Variants in APOBR observed in about 807,000 individuals in gnomAD.
APOBR encodes apolipoprotein B receptor, also known as apoB-48R.
Under a neutral mutation model 88.5 loss-of-function variants are expected in APOBR, and 57 were observed. That is an observed-to-expected ratio of 0.64 (90% CI 0.52 to 0.80). The LOEUF (loss-of-function observed/expected upper bound fraction) is 0.80. Ranked by LOEUF, APOBR falls within the 30% of genes least tolerant of loss-of-function variation. APOBR has a pLI of 0.00. For synonymous variants in APOBR, 588 were observed against 572.7 expected, an observed-to-expected ratio of 1.03 and a Z score of -0.38; for missense variants, 1,443 against 1,401.6, an observed-to-expected ratio of 1.03 and a Z score of -0.47.
In APOBR at chr16:28,496,116, GGAGGGGAGGAGGCCGGGACAGC is replaced by G; in HGVS notation, c.1076_1097del (p.Gly359AlafsTer35). The G allele has an allele frequency of 1.3e-6, 2 of 1,525,398 alleles. No homozygotes were observed. The highest frequency in any genetic ancestry group is 1.8e-6 in the Non-Finnish European group (2 of 1,137,784). 94.5% of individuals were successfully genotyped at this position (1,525,398 alleles called of 1,614,324 possible). ...AGGGGAGGAGGCCGGGACAGCCTCA[GGAGGGGAGGAGGCCGGGACAGC>G]CTCAGGAGGGGACGAGGCCTGGACA... On this transcript the variant is annotated frameshift_variant, in exon 2 of 4. Coordinates refer to ENST00000564831, the MANE Select transcript of APOBR (RefSeq NM_018690.4). LOFTEE classifies it high-confidence loss of function.
In APOBR at chr16:28,496,010, A is replaced by G. The variant is rs377604960; in HGVS notation, c.969A>G (p.Ser323=). The G allele has an allele frequency of 3.0e-5, 47 of 1,556,458 alleles. No homozygotes were observed. The highest frequency in any genetic ancestry group is 8.7e-5 in the Admixed American group (5 of 57,524). ...GCGGGGAGGAGGCTGAAACAGCCTCAGGCGGGGAGGAGGCCGGGACAGCCT... is the reference window on the plus strand; with the variant it reads ...GCGGGGAGGAGGCTGAAACAGCCTCGGGCGGGGAGGAGGCCGGGACAGCCT... ...ASGGEEAETA[S]GGEEAGTASG... is the part of the protein sequence containing the mutation. Residue 323 remains serine (S), a synonymous_variant, in exon 2 of 4, where the codon TCA becomes TCG. Coordinates refer to ENST00000564831, the MANE Select transcript of APOBR (RefSeq NM_018690.4).
chr16:28,497,529 G>C lies in APOBR; in HGVS notation c.2488G>C (p.Glu830Gln). The C allele has an allele frequency of 6.2e-7, 1 of 1,610,704 alleles. No homozygotes were observed. The highest frequency in any genetic ancestry group is 1.3e-5 in the African/African-American group (1 of 74,892). ...TGRGSQVEAFESREGGPWGGR... is the reference protein window; with the variant it reads ...TGRGSQVEAFQSREGGPWGGR... ...CAGAGGCAGCCAAGTAGAGGCTTTTGAGTCCAGGGAGGGAGGACCTTGGGG... is the reference window on the plus strand; with the variant it reads ...CAGAGGCAGCCAAGTAGAGGCTTTTCAGTCCAGGGAGGGAGGACCTTGGGG... Residue 830 changes from glutamate (E) to glutamine (Q), a missense_variant, in exon 2 of 4, where the codon GAG becomes CAG. Physicochemically the swap from Glu to Gln is conservative, Grantham distance 29. Transcript: ENST00000564831.
chr16:28,495,569 G>T lies in APOBR; in HGVS notation c.528G>T (p.Trp176Cys). The part of the protein sequence containing the change: ...EVNREERLRS[W>C]EQEEEEEEVR... ...ACAGAGAAGAGAGGCTGAGAAGCTGGGAACAGGAGGAGGAGGAGGAAGAGG... is the reference window on the plus strand; with the variant it reads ...ACAGAGAAGAGAGGCTGAGAAGCTGTGAACAGGAGGAGGAGGAGGAAGAGG... The change falls in exon 2 of 4, where the codon TGG (tryptophan) becomes TGT (cysteine). Residue 176 changes from tryptophan (W) to cysteine (C), a missense_variant. Trp to Cys is a radical substitution (Grantham distance 215). Coordinates refer to ENST00000564831, the MANE Select transcript of APOBR (RefSeq NM_018690.4). 1.3e-6 allele frequency: 2 copies of T among 1,564,196 alleles called. No individual in the cohort carries two copies. The highest frequency in any genetic ancestry group is 4.8e-5 in the East Asian group (2 of 42,082).
rs1486964770 is a variant in APOBR at position 28,496,743 on chromosome 16, G to C, written c.1702G>C (p.Gly568Arg). The C allele has an allele frequency of 2.5e-6, 4 of 1,591,020 alleles. No individual in the cohort carries two copies. The highest frequency in any genetic ancestry group is 3.4e-6 in the Non-Finnish European group (4 of 1,169,280). The change falls in exon 2 of 4, where the codon GGG becomes CGG. Residue 568 changes from glycine (G) to arginine (R), a missense_variant. Physicochemically the swap from Gly to Arg is moderately radical, Grantham distance 125. Transcript: ENST00000564831. ...CAAAGGCCAAGGACCTGAGCTGATGGGGGGCGCCCAGACCCCAACTAAGCA... is the reference window on the plus strand; with the variant it reads ...CAAAGGCCAAGGACCTGAGCTGATGCGGGGCGCCCAGACCCCAACTAAGCA... ...VTKGQGPELMGGAQTPTKQPE... is the reference protein window; with the variant it reads ...VTKGQGPELMRGAQTPTKQPE...
chr16:28,495,986 C>A lies in APOBR; in HGVS notation c.945C>A (p.Gly315=), dbSNP rs971018613. The change falls in exon 2 of 4, where the codon GGC becomes GGA. Residue 315 remains glycine (G), a synonymous_variant. Transcript: ENST00000564831. ...GGGAGGAGGCTGAGACAGCCTCAGG[C>A]GGGGAGGAGGCTGAAACAGCCTCAG... is the stretch of plus-strand genomic sequence containing the variant. ...SGGEEAETAS[G]GEEAETASGG... 53 of 1,509,328 alleles carry A rather than the reference C, an allele frequency of 3.5e-5. No individual in the cohort carries two copies. The highest frequency in any genetic ancestry group is 4.5e-5 in the Non-Finnish European group (51 of 1,120,898). 93.5% of individuals were successfully genotyped at this position (1,509,328 alleles called of 1,614,324 possible). A position where few individuals can be genotyped will look rare whatever the true frequency, so the allele number is the denominator to read the frequency against.
chr16:28,498,538 A>C lies in APOBR; in HGVS notation c.*33A>C, dbSNP rs778522414. On this transcript the variant is annotated 3_prime_UTR_variant, in exon 4 of 4. Coordinates refer to ENST00000564831, the MANE Select transcript of APOBR (RefSeq NM_018690.4). The stretch of plus-strand genomic sequence containing the variant: ...CCGGTGCTCTGGGAGCCAGGCCCTG[A>C]GTGGGTGCCAGAAGGCTTGCTCCAA... 3.8e-6 allele frequency: 6 copies of C among 1,560,212 alleles called. No homozygotes were observed. The South Asian group carries it at 7.1e-5, about 18-fold the overall frequency.
At position 28,496,323 on chromosome 16, in the gene APOBR, C is replaced by A; in HGVS notation, c.1282C>A (p.Pro428Thr). The A allele has an allele frequency of 6.3e-7, 1 of 1,582,796 alleles. No individual in the cohort carries two copies. The highest frequency in any genetic ancestry group is 8.6e-7 in the Non-Finnish European group (1 of 1,164,918). ...TGAGGTGAGCCCTTTCCCCAAACAG[C>A]CCCAGGTCCTGGGCACTGAAAGAAC... ...EAEVSPFPKQ[P>T]QVLGTERTEE... Residue 428 changes from proline to threonine, a missense_variant, in exon 2 of 4, where the codon CCC (proline) becomes ACC (threonine). Pro to Thr is a conservative substitution (Grantham distance 38). Coordinates refer to ENST00000564831, the MANE Select transcript of APOBR (RefSeq NM_018690.4).
rs770543158 is a variant in APOBR at position 28,495,628 on chromosome 16, C to A, written c.587C>A (p.Ala196Glu). Residue 196 changes from alanine to glutamate, a missense_variant, in exon 2 of 4, where the codon GCG (alanine) becomes GAG (glutamate). Physicochemically the swap from Ala to Glu is moderately radical, Grantham distance 107. Transcript: ENST00000564831. ...RAREPGMARG[A>E]ESEWTWHGET... ...AGAGAGCCAGGGATGGCCAGAGGGG[C>A]GGAGTCAGAGTGGACCTGGCATGGG... 3.4e-5 allele frequency: 53 copies of A among 1,556,500 alleles called. No individual in the cohort carries two copies. Among genetic ancestry groups the A allele is most frequent in the Non-Finnish European group, 4.5e-5 (52 of 1,149,936 alleles).
chr16:28,498,943 A>C lies in APOBR; in HGVS notation c.*438A>C. 1 of 428,754 alleles carries C rather than the reference A, an allele frequency of 2.3e-6. No individual in the cohort carries two copies. Among genetic ancestry groups the C allele is most frequent in the Non-Finnish European group, 4.5e-6 (1 of 222,576 alleles). 26.6% of individuals were successfully genotyped at this position (428,754 alleles called of 1,614,324 possible). On this transcript the variant is annotated 3_prime_UTR_variant, in exon 4 of 4. Coordinates refer to ENST00000564831, the MANE Select transcript of APOBR (RefSeq NM_018690.4). The stretch of plus-strand genomic sequence containing the variant: ...TTAAAAACAAAATAAAACAATAAAG[A>C]CTGCAAGGAAGACTGAGGGAACAGC...
Position 28,497,402 on chromosome 16 carries a change from G to T in APOBR, c.2361G>T (p.Gly787=). 1 of 1,613,154 alleles carries T rather than the reference G, an allele frequency of 6.2e-7. No individual in the cohort carries two copies. Among genetic ancestry groups the T allele is most frequent in the Non-Finnish European group, 8.5e-7 (1 of 1,179,556 alleles). The change falls in exon 2 of 4, where the codon GGG becomes GGT. Residue 787 remains glycine, a synonymous_variant. Transcript: ENST00000564831. ...GAGEALEGVL[G]QGWDSKEKEE... Reference sequence around the variant, plus strand: ...GTGAAGCTTTGGAAGGGGTGCTTGGGCAAGGCTGGGACTCGAAAGAAAAGG... The same window carrying T: ...GTGAAGCTTTGGAAGGGGTGCTTGGTCAAGGCTGGGACTCGAAAGAAAAGG...
intron 1 of APOBR, 41 bp from the exon 2 acceptor site, chr16:28,495,058 T>C: frequency 6.9e-7 from 1 of 1,453,328 alleles, no homozygotes. Context: ...GGGCTGGGAC[T>C]CTCCTCAATG....
Position 28,497,802 on chromosome 16 carries a change from G to A in APOBR, c.2761G>A (p.Gly921Ser), listed in dbSNP as rs373994343. 3 of 1,605,904 alleles carry A rather than the reference G, an allele frequency of 1.9e-6. No homozygotes were observed. Among genetic ancestry groups the A allele is most frequent in the Non-Finnish European group, 1.7e-6 (2 of 1,176,480 alleles). ...GEAPRLLDAE[G>S]LMVTGGRRAE... ...GGCACCAAGGCTCCTTGATGCAGAG[G>A]GTCTCATGGTGACCGGGGGCCGGAG... The change falls in exon 2 of 4, where the codon GGT becomes AGT. Residue 921 changes from glycine to serine, a missense_variant. By Grantham distance (56) the Gly-to-Ser change is moderately conservative. Transcript: ENST00000564831.
At chr16:28,494,928 G>A (rs1409184101) in intron 1 of APOBR, 171 bp from the exon 2 acceptor site, 8 of 841,036 alleles carry the variant, frequency 9.5e-6, no homozygotes, top group Admixed American at 6.0e-5. Context: ...CCAACCATGC[G>A]TCCTCGTACC....
rs976851970 is a variant in APOBR at position 28,496,606 on chromosome 16, C to T, written c.1565C>T (p.Ala522Val). The change falls in exon 2 of 4, where the codon GCA becomes GTA. Residue 522 changes from alanine (A) to valine (V), a missense_variant. Coordinates refer to ENST00000564831, the MANE Select transcript of APOBR (RefSeq NM_018690.4). Reference sequence around the variant, plus strand: ...GCTGAAGGCACTGCCGACTTGGAGGCAACTCCAGAGGCCAGGCCTGAGGAG... The same window carrying T: ...GCTGAAGGCACTGCCGACTTGGAGGTAACTCCAGAGGCCAGGCCTGAGGAG... ...GEAEGTADLE[A>V]TPEARPEEEL... 4 of 1,573,156 alleles carry T rather than the reference C, an allele frequency of 2.5e-6. No individual in the cohort carries two copies. Among genetic ancestry groups the T allele is most frequent in the Non-Finnish European group, 3.5e-6 (4 of 1,158,314 alleles).
At position 28,495,161 on chromosome 16, in the gene APOBR, G is replaced by T; in HGVS notation, c.120G>T (p.Glu40Asp). 1 of 1,569,114 alleles carries T rather than the reference G, an allele frequency of 6.4e-7. No individual in the cohort carries two copies. Among genetic ancestry groups the T allele is most frequent in the Non-Finnish European group, 8.6e-7 (1 of 1,159,970 alleles). ...ATGCAGTCCCCACTGTAGAGCGGGA[G>T]GCGCAGGCGGCTGAGGAACTGGGGG... The part of the protein sequence containing the change: ...LGDAVPTVER[E>D]AQAAEELGVV... Residue 40 changes from glutamate to aspartate, a missense_variant, in exon 2 of 4, where the codon GAG becomes GAT. By Grantham distance (45) the Glu-to-Asp change is conservative. Coordinates refer to ENST00000564831, the MANE Select transcript of APOBR (RefSeq NM_018690.4).
Position 28,498,325 on chromosome 16 carries a change from C to T in APOBR, c.3200C>T (p.Ala1067Val). 3 of 1,598,172 alleles carry T rather than the reference C, an allele frequency of 1.9e-6. No individual in the cohort carries two copies. Among genetic ancestry groups the T allele is most frequent in the Non-Finnish European group, 1.7e-6 (2 of 1,171,600 alleles). Residue 1067 changes from alanine (A) to valine (V), a missense_variant, in exon 3 of 4, where the codon GCC (alanine) becomes GTC (valine). By Grantham distance (64) the Ala-to-Val change is moderately conservative. Coordinates refer to ENST00000564831, the MANE Select transcript of APOBR (RefSeq NM_018690.4). ...PLRHDGTPVPARRRPLGHGFG... is the reference protein window; with the variant it reads ...PLRHDGTPVPVRRRPLGHGFG... ...AGGCATGATGGGACCCCGGTGCCAG[C>T]CAGGAGAAGGCCCCTGGGACACGGG...
chr16:28,498,374 G>A, intron 3 of APOBR, 25 bp downstream of exon 3: 1 of 1,598,466 alleles, frequency 6.3e-7, no homozygotes, highest in Non-Finnish European at 8.5e-7. Context: ...ACTCAGCTGG[G>A]GTGGGGAAGA....
rs753895257 is a variant in APOBR at position 28,497,515 on chromosome 16, A to G, written c.2474A>G (p.Gln825Arg). 10 of 1,612,346 alleles carry G rather than the reference A, an allele frequency of 6.2e-6. No homozygotes were observed. Among genetic ancestry groups the G allele is most frequent in the Non-Finnish European group, 7.6e-6 (9 of 1,179,226 alleles). The stretch of plus-strand genomic sequence containing the variant: ...GAAGAGGTGACTGGCAGAGGCAGCC[A>G]AGTAGAGGCTTTTGAGTCCAGGGAG... ...AEEEVTGRGS[Q>R]VEAFESREGG... Residue 825 changes from glutamine (Q) to arginine (R), a missense_variant, in exon 2 of 4, where the codon CAA becomes CGA. Gln to Arg is a conservative substitution (Grantham distance 43, BLOSUM62 1). Transcript: ENST00000564831.
rs1454010838 is a variant in APOBR, at chr16:28,497,024, G to A, written c.1983G>A (p.Glu661=). The stretch of plus-strand genomic sequence containing the variant: ...CGGGAGGCCAGACCCTGGCGGCTGA[G>A]GCTGAAGGAGACCGAGAGTCTGAAC... ...ETAGGQTLAA[E]AEGDRESELS... Residue 661 remains glutamate, a synonymous_variant, in exon 2 of 4, where the codon GAG becomes GAA. Transcript: ENST00000564831. The A allele has an allele frequency of 6.3e-7, 1 of 1,581,896 alleles. No homozygotes were observed. The highest frequency in any genetic ancestry group is 2.3e-5 in the East Asian group (1 of 43,600).
Sources: gnomAD v4.1 joint callset for allele counts on GRCh38, gnomAD v4.1.1 for gene constraint, MANE v1.5 for transcripts, NCBI Gene and HGNC (gene_info 2026-07-23, HGNC 2026-07-21) for gene names.